COP1: variants seen among roughly 807,000 people sequenced by gnomAD.
The protein encoded by COP1 is E3 ubiquitin-protein ligase COP1.
Under a neutral mutation model 101.3 loss-of-function variants are expected in COP1, and 24 were observed. The observed-to-expected ratio is 0.24, with a 90% CI of 0.17 to 0.33. The LOEUF (loss-of-function observed/expected upper bound fraction) is 0.33, where lower values mean the gene tolerates loss of function less well. Ranked by LOEUF, COP1 falls within the 10% of genes least tolerant of loss-of-function variation. The pLI, the probability that COP1 is intolerant of heterozygous loss-of-function variation, is 1.00. For synonymous variants in COP1, 347 were observed against 341.9 expected (o/e 1.01, Z -0.17); for missense variants, 663 against 906.2 (o/e 0.73, Z 3.45).
chr1:176,194,912 CAAAAT>C (rs1024798368), intron 1 of COP1, among the ~76,000 whole-genome samples: 18 of 129,544 alleles, frequency 1.4e-4, no homozygotes, highest in Non-Finnish European at 3.0e-4. Flanking sequence ...CCTGTCTCTA[CAAAAT>C]AAAATTAAAA....
intron 5 of COP1, 40 bp from the exon 6 acceptor site, chr1:176,149,114 A>C (rs1692028781): frequency 7.4e-7 from 1 of 1,353,038 alleles, no homozygotes; most frequent in African/African-American, 1.5e-5. Flanking sequence ...AAAAAATATA[A>C]CTGAGTTGAA....
chr1:175,983,109 T>C (rs1273624317), intron 18 of COP1, among the ~76,000 whole-genome samples: 3 of 150,930 alleles, frequency 2.0e-5, no homozygotes, highest in Admixed American at 6.7e-5. Context: ...ATAATGTACA[T>C]GTATATGAAA....
chr1:176,007,314 T>C (rs1458283314), intron 15 of COP1, among the ~76,000 whole-genome samples: 1 of 152,180 alleles, frequency 6.6e-6, no homozygotes, highest in Non-Finnish European at 1.5e-5. Context: ...TCAGAGTAAT[T>C]TGATCGTCTG....
intron 8 of COP1, among the ~76,000 whole-genome samples, chr1:176,122,092 A>T (rs1366383492): frequency 1.3e-5 from 2 of 149,652 alleles, no homozygotes; most frequent in Non-Finnish European, 3.0e-5. Flanking sequence ...GTAAGCCGAG[A>T]TCGCGCCACT....
chr1:176,037,932 G>C (rs965804812), intron 14 of COP1, among the ~76,000 whole-genome samples: 1 of 152,082 alleles, frequency 6.6e-6, no homozygotes, highest in Admixed American at 6.5e-5. Context: ...TGAAGTCCTT[G>C]CCAGTACAAA....
intron 1 of COP1, among the ~76,000 whole-genome samples, chr1:176,198,082 C>A (rs1272094395): frequency 6.6e-6 from 1 of 152,084 alleles, no homozygotes; most frequent in Non-Finnish European, 1.5e-5. Context: ...CAAATGAAAT[C>A]ACAGATTCAA....
intron 2 of COP1, among the ~76,000 whole-genome samples, chr1:176,182,128 T>TA (rs954136997): frequency 6.6e-6 from 1 of 152,150 alleles, no homozygotes; most frequent in Non-Finnish European, 1.5e-5. Flanking sequence ...GGGCCTTTTT[T>TA]AAAAAATGCC....
intron 14 of COP1, among the ~76,000 whole-genome samples, chr1:176,033,243 C>G (rs1361117567): frequency 3.9e-5 from 6 of 152,028 alleles, no homozygotes; most frequent in African/African-American, 1.5e-4. Context: ...GAAATCCCAT[C>G]TCTATTTAAA....
intron 5 of COP1, among the ~76,000 whole-genome samples, chr1:176,159,434 TC>T (rs1308941277): frequency 6.6e-6 from 1 of 152,080 alleles, no homozygotes; most frequent in African/African-American, 2.4e-5. Flanking sequence ...ATGGCACAAA[TC>T]CACAGAAGAG....
intron 11 of COP1, among the ~76,000 whole-genome samples, chr1:176,051,908 A>G (rs1414458465): frequency 6.6e-6 from 1 of 152,178 alleles, no homozygotes. Flanking sequence ...TTGCAAAAAA[A>G]TCACAAAGTC....
chr1:176,087,021 T>C (rs1228631881), intron 9 of COP1, among the ~76,000 whole-genome samples: 1 of 152,224 alleles, frequency 6.6e-6, no homozygotes, highest in Non-Finnish European at 1.5e-5. Context: ...GGATTCCCTA[T>C]TTAGTAAATG....
At chr1:175,980,683 C>CTT (rs565487637) in intron 18 of COP1, among the ~76,000 whole-genome samples, 1 of 147,524 alleles carries the variant, frequency 6.8e-6, no homozygotes, top group African/African-American at 2.5e-5. Context: ...ATGACCACTG[C>CTT]TTTTTTTTTT....
At chr1:176,175,775 A>T in intron 3 of COP1, 135 bp downstream of exon 3, 1 of 450,868 alleles carries the variant, frequency 2.2e-6, no homozygotes, top group East Asian at 3.3e-5. Context: ...ACAACCCAAG[A>T]AGAGGAAAGC....
At chr1:176,198,288 A>T (rs1001459245) in intron 1 of COP1, among the ~76,000 whole-genome samples, 1 of 152,210 alleles carries the variant, frequency 6.6e-6, no homozygotes, top group Non-Finnish European at 1.5e-5. Context: ...AGGGATAAAC[A>T]TATATACACC....
rs543516890 is a variant in COP1, at chr1:176,025,459, CAA to C, written c.1729+2111_1729+2112del. Among the ~76,000 whole-genome samples, 373 of 78,956 alleles carry C rather than the reference CAA, an allele frequency of 4.7e-3. 3 individuals are homozygous for C. The highest frequency in any genetic ancestry group is 0.017 in the African/African-American group (354 of 20,262). 51.8% of individuals were successfully genotyped at this position (78,956 alleles called of 152,430 possible). A position where few individuals can be genotyped will look rare whatever the true frequency, so the allele number is the denominator to read the frequency against. On this transcript the variant is annotated intron_variant, in intron 15 of 19. Transcript: ENST00000367669. Reference sequence around the variant, plus strand: ...ATGAACAAGTTTTGTCTACATTTAGCAAAAAAAAAAAAAACCTAAAAAAAGAG... The same window carrying C: ...ATGAACAAGTTTTGTCTACATTTAGCAAAAAAAAAAAACCTAAAAAAAGAG...
chr1:175,947,206 C>T lies in COP1; in HGVS notation c.2167G>A (p.Gly723Ser). 6.2e-7 allele frequency: 1 copy of T among 1,608,604 alleles called. No homozygotes were observed. Among genetic ancestry groups the T allele is most frequent in the Non-Finnish European group, 8.5e-7 (1 of 1,175,204 alleles). The change falls in exon 19 of 20, where the codon GGT becomes AGT. Residue 723 changes from glycine (G) to serine (S), a missense_variant. By Grantham distance (56) the Gly-to-Ser change is moderately conservative (BLOSUM62 0). Around this residue, in one of 4 missense-constraint regions of COP1, gnomAD observed 209 missense variants for 383.3 expected, o/e 0.55. Transcript: ENST00000367669. ...AGTAAATAGCTTACCTTAATTGTAC[C>T]CTGACTGTTAGCAGCAATCAGCACA... ...SNVLIAANSQGTIKVLELV is the reference protein window; with the variant it reads ...SNVLIAANSQSTIKVLELV
At chr1:175,989,731 A>G (rs1012249209) in intron 15 of COP1, among the ~76,000 whole-genome samples, 11 of 152,192 alleles carry the variant, frequency 7.2e-5, no homozygotes, top group African/African-American at 2.7e-4. Context: ...AAATGTTAAT[A>G]TAAACATTAT....
chr1:176,040,299 T>C lies in COP1; in HGVS notation c.1612+2887A>G, dbSNP rs137929206. ...CTCTCTCTCTCCTTCTCCCTCTCTG[T>C]ACCACCCCCTTTTCCCTCCTTCTCT... On this transcript the variant is annotated intron_variant, in intron 14 of 19. Coordinates refer to ENST00000367669, the MANE Select transcript of COP1 (RefSeq NM_022457.7). Among the ~76,000 whole-genome samples the C allele has an allele frequency of 2.6e-3, 392 of 152,090 alleles. 3 individuals are homozygous for C. Among genetic ancestry groups the C allele is most frequent in the African/African-American group, 9.0e-3 (374 of 41,490 alleles).
At chr1:176,089,866 G>C (rs1182792497) in intron 9 of COP1, among the ~76,000 whole-genome samples, 1 of 151,998 alleles carries the variant, frequency 6.6e-6, no homozygotes, top group Admixed American at 6.5e-5. Flanking sequence ...ATAGTTTTTT[G>C]CCATATTTTG....
Sources: allele counts gnomAD v4.1 joint callset (sites outside exome capture counted in the v4.1 genomes callset), GRCh38; gene constraint gnomAD v4.1.1; regional missense constraint gnomAD v4.1.1; transcripts MANE v1.5; gene names NCBI Gene and HGNC (gene_info 2026-07-23, HGNC 2026-07-21).